PINX1: variants seen among roughly 807,000 people sequenced by gnomAD.
PINX1 encodes the protein PIN2/TERF1-interacting telomerase inhibitor 1.
In PINX1, 34 loss-of-function variants were observed where a neutral mutation model predicts 25.4. The ratio of observed to expected loss-of-function variants is 1.34; its 90% confidence interval spans 1.02 to 1.78. The LOEUF is 1.78. PINX1 is among the 40% of genes most tolerant of loss of function. The pLI, the probability that PINX1 is intolerant of heterozygous loss-of-function variation, is 0.00. For synonymous variants in PINX1, 197 were observed against 147.7 expected (o/e 1.33, Z -2.42); for missense variants, 592 against 404.9 (o/e 1.46, Z -3.97).
At chr8:10,798,426 CTA>C (rs1802158930) in intron 6 of PINX1, among the ~76,000 whole-genome samples, 1 of 152,220 alleles carries the variant, frequency 6.6e-6, no homozygotes, top group Non-Finnish European at 1.5e-5. Context: ...CAGTTTTTAA[CTA>C]GCACATGATT....
chr8:10,794,807 G>A (rs1308560532), intron 6 of PINX1, among the ~76,000 whole-genome samples: 1 of 152,140 alleles, frequency 6.6e-6, no homozygotes, highest in Admixed American at 6.5e-5. Flanking sequence ...CCGAGTGCAT[G>A]TATGTTTTTA....
At chr8:10,802,998 T>C (rs1011080146) in intron 6 of PINX1, among the ~76,000 whole-genome samples, 1 of 152,172 alleles carries the variant, frequency 6.6e-6, no homozygotes, top group Non-Finnish European at 1.5e-5. Context: ...GACCATGACA[T>C]TGTGAACTTC....
Position 10,765,643 on chromosome 8 carries a change from C to T in PINX1, c.745G>A (p.Val249Met). 6.2e-7 allele frequency: 1 copy of T among 1,613,980 alleles called. No individual in the cohort carries two copies. The highest frequency in any genetic ancestry group is 8.5e-7 in the Non-Finnish European group (1 of 1,179,898). The change falls in exon 7 of 7, where the codon GTG becomes ATG. Residue 249 changes from valine to methionine, a missense_variant. Coordinates refer to ENST00000314787, the MANE Select transcript of PINX1 (RefSeq NM_017884.6). ...KPERAEAQERVAKKKSAPAEE... is the reference protein window; with the variant it reads ...KPERAEAQERMAKKKSAPAEE... ...GCTGGCGCGCTCTTCTTCTTGGCCA[C>T]TCGCTCCTGGGCCTCGGCCCTCTCG...
At chr8:10,823,776 T>G (rs1055052757) in intron 5 of PINX1, among the ~76,000 whole-genome samples, 1 of 152,182 alleles carries the variant, frequency 6.6e-6, no homozygotes, top group Non-Finnish European at 1.5e-5. Context: ...TGCAGTGAGC[T>G]GAGACTGTTC....
chr8:10,797,580 T>C (rs1199141279), intron 6 of PINX1, among the ~76,000 whole-genome samples: 1 of 152,220 alleles, frequency 6.6e-6, no homozygotes, highest in East Asian at 1.9e-4. Context: ...TAAGCCACTA[T>C]TTTATTCAAA....
chr8:10,827,488 C>A (rs1798088602), intron 4 of PINX1, among the ~76,000 whole-genome samples: 1 of 152,068 alleles, frequency 6.6e-6, no homozygotes, highest in South Asian at 2.1e-4. Context: ...TAGCCACCTG[C>A]ATTCTCTCAC....
chr8:10,806,878 G>C (rs538438380), intron 6 of PINX1, among the ~76,000 whole-genome samples: 1 of 152,244 alleles, frequency 6.6e-6, no homozygotes, highest in South Asian at 2.1e-4. Context: ...GGCTTCTCTA[G>C]AGAAGCCAAG....
At chr8:10,817,437 G>C (rs1797731354) in intron 6 of PINX1, among the ~76,000 whole-genome samples, 1 of 152,162 alleles carries the variant, frequency 6.6e-6, no homozygotes, top group Non-Finnish European at 1.5e-5. Flanking sequence ...AGGTTTCTTA[G>C]CAATAGTCTA....
intron 6 of PINX1, 126 bp downstream of exon 6, chr8:10,820,067 G>C: frequency 1.5e-6 from 1 of 688,462 alleles, no homozygotes; most frequent in Non-Finnish European, 2.7e-6. Flanking sequence ...GGCTGTGCAT[G>C]AAGCCTCCAA....
intron 6 of PINX1, among the ~76,000 whole-genome samples, chr8:10,785,103 C>T (rs531261659): frequency 2.6e-5 from 4 of 152,224 alleles, no homozygotes; most frequent in African/African-American, 7.2e-5. Flanking sequence ...ATTCCCATAA[C>T]GTTTTAAGCT....
intron 6 of PINX1, among the ~76,000 whole-genome samples, chr8:10,805,421 C>T (rs928936026): frequency 5.7e-5 from 8 of 140,336 alleles, no homozygotes; most frequent in African/African-American, 1.8e-4. Flanking sequence ...AAGATTGATG[C>T]TTAACTTGCA....
chr8:10,776,762 C>T (rs1490349835), intron 6 of PINX1, among the ~76,000 whole-genome samples: 1 of 152,298 alleles, frequency 6.6e-6, no homozygotes, highest in South Asian at 2.1e-4. Context: ...CCAGACCTGT[C>T]ACCAGAGTCG....
chr8:10,819,417 C>G (rs1188063280), intron 6 of PINX1, among the ~76,000 whole-genome samples: 1 of 152,194 alleles, frequency 6.6e-6, no homozygotes, highest in Non-Finnish European at 1.5e-5. Flanking sequence ...ACCAGATTAG[C>G]TGAGTAACAG....
chr8:10,786,455 G>A (rs1367391795), intron 6 of PINX1, among the ~76,000 whole-genome samples: 1 of 152,202 alleles, frequency 6.6e-6, no homozygotes, highest in Non-Finnish European at 1.5e-5. Context: ...AGCCAAGACA[G>A]TGTGAGCAGA....
At chr8:10,776,237 C>T (rs1030634752) in intron 6 of PINX1, among the ~76,000 whole-genome samples, 1 of 151,970 alleles carries the variant, frequency 6.6e-6, no homozygotes, top group South Asian at 2.1e-4. Context: ...ACCAGCCTGG[C>T]CAACATGGCA....
chr8:10,786,196 A>G (rs1340870230), intron 6 of PINX1, among the ~76,000 whole-genome samples: 1 of 152,246 alleles, frequency 6.6e-6, no homozygotes, highest in Admixed American at 6.5e-5. Context: ...ATATATTTAA[A>G]GAGACGTTAC....
intron 6 of PINX1, among the ~76,000 whole-genome samples, chr8:10,806,966 G>C (rs915079002): frequency 2.0e-5 from 3 of 152,176 alleles, no homozygotes; most frequent in African/African-American, 2.4e-5. Flanking sequence ...ATCTGAGAAG[G>C]CTGCCTCTGC....
At chr8:10,793,999 G>C (rs1802005781) in intron 6 of PINX1, among the ~76,000 whole-genome samples, 2 of 152,218 alleles carry the variant, frequency 1.3e-5, no homozygotes, top group South Asian at 4.1e-4. Flanking sequence ...GCATTTGTGT[G>C]AGAAGATAAC....
At chr8:10,796,269 T>A (rs1471955817) in intron 6 of PINX1, among the ~76,000 whole-genome samples, 3 of 152,298 alleles carry the variant, frequency 2.0e-5, no homozygotes, top group African/African-American at 7.2e-5. Flanking sequence ...AACTTCCATC[T>A]GAAGTCAAAG....
Sources: gnomAD v4.1 joint callset for allele counts (sites outside exome capture counted in the v4.1 genomes callset) on GRCh38, gnomAD v4.1.1 for gene constraint, MANE v1.5 for transcripts, NCBI Gene and HGNC (gene_info 2026-07-23, HGNC 2026-07-21) for gene names.